The following MYLK3 variants were observed in gnomAD, a reference collection of about 807,000 sequenced individuals.
MYLK3 encodes the protein MLC kinase.
A neutral mutation model predicts 76.3 loss-of-function variants in MYLK3; 55 were observed. The observed-to-expected ratio is 0.72, with a 90% confidence interval of 0.58 to 0.90. MYLK3 has a LOEUF of 0.90. Among genes scored for constraint, MYLK3 ranks in the 40% least tolerant of loss-of-function variants. The probability of loss-of-function intolerance (pLI) is 0.00; values close to 1 mark genes in which losing one functional copy is unlikely to be tolerated. For missense variants in MYLK3, 973 were observed against 1,053.6 expected (o/e 0.92, Z 1.06); for synonymous variants, 416 against 425.4 (o/e 0.98, Z 0.27).
At chr16:46,724,932 C>A (rs1966834768) in intron 8 of MYLK3, among the ~76,000 whole-genome samples, 1 of 152,128 alleles carries the variant, frequency 6.6e-6, no homozygotes, top group African/African-American at 2.4e-5. Flanking sequence ...CCATGGCATG[C>A]CTTTCCATTT....
At chr16:46,740,645 A>G (rs1966917347) in intron 1 of MYLK3, among the ~76,000 whole-genome samples, 1 of 147,868 alleles carries the variant, frequency 6.8e-6, no homozygotes, top group South Asian at 2.1e-4. Flanking sequence ...GCTGCCTCCC[A>G]GGTTCAAACG....
At chr16:46,708,483 C>T (rs1216161114) in intron 12 of MYLK3, among the ~76,000 whole-genome samples, 6 of 151,896 alleles carry the variant, frequency 4.0e-5, no homozygotes, top group African/African-American at 1.5e-4. Flanking sequence ...AGATGGGAGT[C>T]TCCCTCTGTC....
chr16:46,744,501 C>A (rs1262947568), intron 1 of MYLK3, among the ~76,000 whole-genome samples: 2 of 151,572 alleles, frequency 1.3e-5, no homozygotes, highest in Non-Finnish European at 2.9e-5. Context: ...GCCACCATGC[C>A]CAGCTAATTT....
intron 8 of MYLK3, chr16:46,726,744 G>GAAAAGAA: frequency 7.4e-6 from 1 of 134,540 alleles, no homozygotes; most frequent in Non-Finnish European, 1.6e-5. Context: ...AAAAGAAAGA[G>GAAAAGAA]AGAGAGAAAG....
intron 1 of MYLK3, among the ~76,000 whole-genome samples, chr16:46,745,630 C>T (rs1967008685): frequency 6.6e-6 from 1 of 152,046 alleles, no homozygotes; most frequent in Non-Finnish European, 1.5e-5. Flanking sequence ...TCTGTAATCC[C>T]AGCTATTCAG....
chr16:46,728,507 G>A (rs1966846597), intron 7 of MYLK3, among the ~76,000 whole-genome samples: 1 of 152,158 alleles, frequency 6.6e-6, no homozygotes, highest in Non-Finnish European at 1.5e-5. Context: ...TATCACTTGA[G>A]TTCAGGAGTT....
chr16:46,717,476 T>C (rs1966754111), intron 9 of MYLK3, among the ~76,000 whole-genome samples: 1 of 152,102 alleles, frequency 6.6e-6, no homozygotes, highest in Non-Finnish European at 1.5e-5. Flanking sequence ...TGTTCAGACG[T>C]GTGAGCCTCG....
chr16:46,759,341 C>T (rs1185124588), intron 1 of MYLK3, among the ~76,000 whole-genome samples: 1 of 152,254 alleles, frequency 6.6e-6, no homozygotes, highest in Non-Finnish European at 1.5e-5. Flanking sequence ...AACGGCCATT[C>T]ATCCATCCAT....
chr16:46,715,720 G>C (rs775873368), intron 9 of MYLK3, among the ~76,000 whole-genome samples: 3 of 152,140 alleles, frequency 2.0e-5, no homozygotes, highest in Non-Finnish European at 4.4e-5. Context: ...GATAAACCTG[G>C]TCCCTCTTGC....
At position 46,756,305 on chromosome 16, in the gene MYLK3, T is replaced by G. The variant is rs138433629; in HGVS notation, c.-114+6735A>C. Among the ~76,000 whole-genome samples the G allele has an allele frequency of 2.0e-4, 30 of 152,310 alleles. No homozygotes were observed. The East Asian group carries it at 2.9e-3, about 15-fold the overall frequency. On this transcript the variant is annotated intron_variant, in intron 1 of 11. Transcript: ENST00000536476. Reference sequence around the variant, plus strand: ...ATAGTAAAGTAAACCCTTTATTAAGTAAAAGCAGTGACATCTGTCTTGTGA... The same window carrying G: ...ATAGTAAAGTAAACCCTTTATTAAGGAAAAGCAGTGACATCTGTCTTGTGA...
At chr16:46,708,642 C>T (rs1002949730) in intron 12 of MYLK3, among the ~76,000 whole-genome samples, 14 of 151,994 alleles carry the variant, frequency 9.2e-5, no homozygotes, top group Admixed American at 6.6e-5. Context: ...GTGTGTTTCC[C>T]GGTAAGTGTG....
chr16:46,728,990 G>A (rs372216213), intron 7 of MYLK3, 34 bp downstream of exon 7: 1 of 1,527,856 alleles, frequency 6.5e-7, no homozygotes, highest in African/African-American at 1.4e-5. Context: ...GCCCTGGCTT[G>A]AGCCGAGGCG....
chr16:46,713,657 A>T (rs117271192), intron 9 of MYLK3, among the ~76,000 whole-genome samples: 698 of 152,318 alleles, frequency 4.6e-3, no homozygotes, highest in Non-Finnish European at 6.8e-3. Context: ...TATAATCACC[A>T]TGTTGTACAA....
Position 46,729,490 on chromosome 16 carries a change from G to A in MYLK3, c.1662+104C>T. The A allele has an allele frequency of 2.8e-6, 3 of 1,074,720 alleles. No homozygotes were observed. The Admixed American group carries it at 5.4e-5, about 19-fold the overall frequency. 66.6% of individuals were successfully genotyped at this position (1,074,720 alleles called of 1,614,324 possible). A position where few individuals can be genotyped will look rare whatever the true frequency, so the allele number is the denominator to read the frequency against. ...GGGTGGGAATTCTGGAAAAGAGCAGGAATAAGTAGCATTTCCAGCTCAGCA... is the reference window on the plus strand; with the variant it reads ...GGGTGGGAATTCTGGAAAAGAGCAGAAATAAGTAGCATTTCCAGCTCAGCA... On this transcript the variant is annotated intron_variant, in intron 6 of 12. Transcript: ENST00000394809.
rs1204430141 is a variant in MYLK3, at chr16:46,703,171, AGATC to A, written c.*4529_*4532del. 7.9e-5 allele frequency among the ~76,000 whole-genome samples: 12 copies of A among 152,304 alleles called. No homozygotes were observed. The highest frequency in any genetic ancestry group is 2.6e-4 in the African/African-American group (11 of 41,554). On this transcript the variant is annotated 3_prime_UTR_variant, in exon 13 of 13. Coordinates refer to ENST00000394809, the MANE Select transcript of MYLK3 (RefSeq NM_182493.3). ...AGAAAAAATGGCTTTCAGTATATCT[AGATC>A]TATCTATAACAGCTGTGAGGTATTC...
chr16:46,759,309 C>G (rs1041257284), intron 1 of MYLK3, among the ~76,000 whole-genome samples: 1 of 152,214 alleles, frequency 6.6e-6, no homozygotes, highest in African/African-American at 2.4e-5. Context: ...AAAAAAGCAC[C>G]CCCTGAAGCT....
chr16:46,719,330 A>G (rs1294977806), intron 9 of MYLK3, among the ~76,000 whole-genome samples: 1 of 151,750 alleles, frequency 6.6e-6, no homozygotes, highest in Non-Finnish European at 1.5e-5. Flanking sequence ...CGGTCTCAAA[A>G]AAAAAAAAAA....
chr16:46,729,412 C>T (rs373916232), intron 6 of MYLK3, among the ~76,000 whole-genome samples, 182 bp downstream of exon 6: 21 of 152,222 alleles, frequency 1.4e-4, no homozygotes, highest in East Asian at 1.2e-3. Context: ...TGGACACCTG[C>T]GCATGGAGGG....
At position 46,709,602 on chromosome 16, in the gene MYLK3, T is replaced by TC. The variant is rs1966662011; in HGVS notation, c.2336dup (p.Ser780IlefsTer63). On this transcript the variant is annotated frameshift_variant, in exon 12 of 13. Coordinates refer to ENST00000394809, the MANE Select transcript of MYLK3 (RefSeq NM_182493.3). LOFTEE classifies it high-confidence loss of function. ...GTTGGGATTTGAGACGAGTTTTGGA[T>TC]CTTGAAGCTTTGGCAGGCAAATTAT... is the stretch of plus-strand genomic sequence containing the variant. The TC allele has an allele frequency of 6.2e-7, 1 of 1,614,194 alleles. No individual in the cohort carries two copies. Among genetic ancestry groups the TC allele is most frequent in the East Asian group, 2.2e-5 (1 of 44,882 alleles).
Sources: allele counts gnomAD v4.1 joint callset (sites outside exome capture counted in the v4.1 genomes callset), GRCh38; gene constraint gnomAD v4.1.1; transcripts MANE v1.5; gene names NCBI Gene and HGNC (gene_info 2026-07-23, HGNC 2026-07-21).